GSPT1: variants seen among roughly 807,000 people sequenced by gnomAD.
The protein encoded by GSPT1 is G1 to S phase transition 1, also known as eukaryotic peptide chain release factor GTP-binding subunit ERF3A.
In GSPT1, 20 loss-of-function variants were observed where a neutral mutation model predicts 72.5. The observed-to-expected ratio is 0.28, with a 90% confidence interval of 0.19 to 0.40. GSPT1 has a LOEUF of 0.40. GSPT1 is among the 10% of genes least tolerant of loss of function. The pLI, the probability that GSPT1 is intolerant of heterozygous loss-of-function variation, is 1.00. For missense variants in GSPT1, 580 were observed against 811.9 expected, an observed-to-expected ratio of 0.71 and a Z score of 3.47; for synonymous variants, 334 against 293.5, an observed-to-expected ratio of 1.14 and a Z score of -1.41.
At chr16:11,899,090 C>T (rs950568814) in intron 1 of GSPT1, among the ~76,000 whole-genome samples, 2 of 152,062 alleles carry the variant, frequency 1.3e-5, no homozygotes, top group African/African-American at 2.4e-5. Flanking sequence ...CCAATATGAA[C>T]GTGCCCCTGC....
chr16:11,874,454 C>CA (rs2054014744), intron 14 of GSPT1, among the ~76,000 whole-genome samples: 1 of 95,892 alleles, frequency 1.0e-5, no homozygotes, highest in Non-Finnish European at 2.0e-5. Flanking sequence ...GCCAAGTTAG[C>CA]TTTTTTTTTT....
chr16:11,885,238 C>T lies in GSPT1; in HGVS notation c.1290G>A (p.Pro430=), dbSNP rs765292518. 40 of 1,593,104 alleles carry T rather than the reference C, an allele frequency of 2.5e-5. No homozygotes were observed. Among genetic ancestry groups the T allele is most frequent in the Admixed American group, 6.7e-5 (4 of 59,916 alleles). The change falls in exon 10 of 15, where the codon CCG becomes CCA. Residue 430 remains proline (P), a synonymous_variant. Transcript: ENST00000434724. ...GTCCATCAACTGATCTATTGAAGTT[C>T]GGCAAATTATCCAGATATGGAATAA... ...LPFIPYLDNL[P]NFNRSVDGPI... is the part of the protein sequence containing the mutation.
In GSPT1 at chr16:11,915,463, C is replaced by A; in HGVS notation, c.258G>T (p.Val86=). 1.3e-6 allele frequency: 2 copies of A among 1,548,402 alleles called. No homozygotes were observed. Among genetic ancestry groups the A allele is most frequent in the East Asian group, 2.7e-5 (1 of 37,506 alleles). Residue 86 remains valine (V), a synonymous_variant, in exon 1 of 15, where the codon GTG becomes GTT. Transcript: ENST00000434724. ...CTGCCGGGCCCCGCAGGAAGGACGG[C>A]ACGAACTCGGCGGCGTGGACGTTGG... is the stretch of plus-strand genomic sequence containing the variant. The part of the protein sequence containing the change: ...FVPNVHAAEF[V]PSFLRGPAAP...
At chr16:11,909,203 C>A (rs2054527409) in intron 1 of GSPT1, among the ~76,000 whole-genome samples, 1 of 147,408 alleles carries the variant, frequency 6.8e-6, no homozygotes, top group South Asian at 2.1e-4. Context: ...AAGTGTTCTT[C>A]TCTCTTTGAA....
intron 6 of GSPT1, among the ~76,000 whole-genome samples, chr16:11,890,320 A>G (rs2054243001): frequency 6.6e-6 from 1 of 152,182 alleles, no homozygotes; most frequent in African/African-American, 2.4e-5. Flanking sequence ...ACTGAAAGCC[A>G]CTAACGCACC....
intron 10 of GSPT1, among the ~76,000 whole-genome samples, chr16:11,884,163 G>C (rs1188186139): frequency 6.6e-6 from 1 of 152,166 alleles, no homozygotes; most frequent in Admixed American, 6.5e-5. Flanking sequence ...TAAAAACAAG[G>C]AAGTTTATTT....
At chr16:11,894,634 T>C (rs180979021) in intron 5 of GSPT1, among the ~76,000 whole-genome samples, 1 of 152,246 alleles carries the variant, frequency 6.6e-6, no homozygotes, top group Admixed American at 6.5e-5. Context: ...AATAATCACA[T>C]TACAAAAACT....
chr16:11,906,033 C>A (rs919809936), intron 1 of GSPT1, among the ~76,000 whole-genome samples: 1 of 151,998 alleles, frequency 6.6e-6, no homozygotes, highest in African/African-American at 2.4e-5. Flanking sequence ...CTGTGTTTTC[C>A]TTTGATTTTC....
In GSPT1 at chr16:11,911,502, C is replaced by G. The variant is rs548587387; in HGVS notation, c.352+3867G>C. Reference sequence around the variant, plus strand: ...CTGGGCTCAAGAGATCCTCCCACCTCAACCTCCCAAGTAGCTGGGACTACA... The same window carrying G: ...CTGGGCTCAAGAGATCCTCCCACCTGAACCTCCCAAGTAGCTGGGACTACA... On this transcript the variant is annotated intron_variant, in intron 1 of 14. Coordinates refer to ENST00000434724, the MANE Select transcript of GSPT1 (RefSeq NM_002094.4). Among the ~76,000 whole-genome samples, 11 of 152,066 alleles carry G rather than the reference C, an allele frequency of 7.2e-5. No homozygotes were observed. The East Asian group carries it at 2.1e-3, about 29-fold the overall frequency.
At position 11,869,018 on chromosome 16, in the gene GSPT1, T is replaced by C. The variant is rs2053949797; in HGVS notation, c.*4101A>G. ...TCAAGGAAGCATAGGATTAGAGGTA[T>C]GTGAGAAGTGTATTTATTGAAGGGA... On this transcript the variant is annotated 3_prime_UTR_variant, in exon 15 of 15. Transcript: ENST00000434724. 6.6e-6 allele frequency: 1 copy of C among 152,168 alleles called. No homozygotes were observed. Among genetic ancestry groups the C allele is most frequent in the Non-Finnish European group, 1.5e-5 (1 of 68,028 alleles). 9.4% of individuals were successfully genotyped at this position (152,168 alleles called of 1,614,324 possible).
intron 11 of GSPT1, chr16:11,882,655 C>T (rs1048688976): frequency 1.8e-5 from 3 of 167,942 alleles, no homozygotes; most frequent in African/African-American, 7.2e-5. Context: ...ACTGAACAGT[C>T]AAAAATGACA....
chr16:11,875,672 G>T (rs985373939), intron 14 of GSPT1, 89 bp downstream of exon 14: 1 of 870,368 alleles, frequency 1.1e-6, no homozygotes, highest in Non-Finnish European at 1.8e-6. Flanking sequence ...CTGTGAACCT[G>T]TTGCAATGTG....
intron 1 of GSPT1, 194 bp downstream of exon 1, chr16:11,915,175 C>T (rs111344798): frequency 3.8e-6 from 4 of 1,040,086 alleles, no homozygotes; most frequent in African/African-American, 3.4e-5. Flanking sequence ...GTCCGCTCCC[C>T]GCCCGGCCAC....
chr16:11,888,867 C>A (rs2054217950), intron 6 of GSPT1, among the ~76,000 whole-genome samples: 2 of 152,186 alleles, frequency 1.3e-5, no homozygotes, highest in African/African-American at 4.8e-5. Flanking sequence ...AACTTTATGG[C>A]AAGTTGACTA....
chr16:11,882,263 G>GCAA (rs1205873203), intron 11 of GSPT1: 1 of 152,148 alleles, frequency 6.6e-6, no homozygotes, highest in East Asian at 1.9e-4. Flanking sequence ...AACAACAGCA[G>GCAA]CAACAACTAA....
intron 1 of GSPT1, 91 bp downstream of exon 1, chr16:11,915,278 G>GGCCCCAGGGCCGCGC (rs1432563289): frequency 2.5e-6 from 3 of 1,223,254 alleles, no homozygotes; most frequent in East Asian, 3.5e-5. Flanking sequence ...GTGCCGACCG[G>GGCCCCAGGGCCGCGC]GCCCCAGGGC....
At chr16:11,888,099 G>A (rs1303634494) in intron 6 of GSPT1, among the ~76,000 whole-genome samples, 2 of 152,176 alleles carry the variant, frequency 1.3e-5, no homozygotes, top group African/African-American at 4.8e-5. Flanking sequence ...AGGTTGCAGC[G>A]AGCCAAGACC....
intron 1 of GSPT1, chr16:11,908,531 C>A (rs1261339124): frequency 1.2e-5 from 1 of 81,792 alleles, no homozygotes; most frequent in Non-Finnish European, 2.2e-5. Flanking sequence ...GAGGCCGAGG[C>A]GGGCGGATCA....
chr16:11,885,777 T>G (rs1359234007), intron 9 of GSPT1, among the ~76,000 whole-genome samples: 5 of 151,936 alleles, frequency 3.3e-5, no homozygotes, highest in African/African-American at 1.2e-4. Flanking sequence ...CTACAGTCCC[T>G]ACGACTTGGG....
Sources: allele counts gnomAD v4.1 joint callset (sites outside exome capture counted in the v4.1 genomes callset), GRCh38; gene constraint gnomAD v4.1.1; transcripts MANE v1.5; gene names NCBI Gene and HGNC (gene_info 2026-07-23, HGNC 2026-07-21).